The following CSF3R variants were observed in gnomAD, a reference collection of about 807,000 sequenced individuals.
The protein encoded by CSF3R is granulocyte colony-stimulating factor receptor.
A neutral mutation model predicts 84.4 loss-of-function variants in CSF3R; 52 were observed. That is an observed-to-expected ratio of 0.62 (90% CI 0.49 to 0.78). The LOEUF (loss-of-function observed/expected upper bound fraction) is 0.78, where lower values mean the gene tolerates loss of function less well. CSF3R is among the 30% of genes least tolerant of loss of function. The probability of loss-of-function intolerance (pLI) is 0.00; values close to 1 mark genes in which losing one functional copy is unlikely to be tolerated. For synonymous variants in CSF3R, 384 were observed against 429.1 expected, an observed-to-expected ratio of 0.89 and a Z score of 1.30; for missense variants, 890 against 1,055.7, an observed-to-expected ratio of 0.84 and a Z score of 2.17.
In CSF3R at chr1:36,467,397, G is replaced by A; in HGVS notation, c.1959-86C>T. The A allele has an allele frequency of 6.8e-7, 1 of 1,463,152 alleles. No individual in the cohort carries two copies. The highest frequency in any genetic ancestry group is 9.6e-7 in the Non-Finnish European group (1 of 1,043,370). The allele number at this position is 1,463,152 out of a possible 1,614,324, so 90.6% of individuals were successfully genotyped here. A position where few individuals can be genotyped will look rare whatever the true frequency, so the allele number is the denominator to read the frequency against. ...TCCCACCCACCCCACCTGAAGAGGTGCAGCTGCCCTTAGTGCAGAGAGAAG... is the reference window on the plus strand; with the variant it reads ...TCCCACCCACCCCACCTGAAGAGGTACAGCTGCCCTTAGTGCAGAGAGAAG... On this transcript the variant is annotated intron_variant, in intron 15 of 16. Coordinates refer to ENST00000373106, the MANE Select transcript of CSF3R (RefSeq NM_000760.4). The surrounding 1 kb of genome is among the most constrained non-coding windows in gnomAD (Gnocchi z 4.1).
Position 36,469,526 on chromosome 1 carries a change from C to T in CSF3R, c.1474+126G>A, listed in dbSNP as rs574358253. ...TTATGAGGATATGAAATGAGAACAACGAAGGATCAAGAAAGGCTGGAGAAT... is the reference window on the plus strand; with the variant it reads ...TTATGAGGATATGAAATGAGAACAATGAAGGATCAAGAAAGGCTGGAGAAT... On this transcript the variant is annotated intron_variant, in intron 11 of 16. Coordinates refer to ENST00000373106, the MANE Select transcript of CSF3R (RefSeq NM_000760.4). 91 of 1,189,104 alleles carry T rather than the reference C, an allele frequency of 7.7e-5. No homozygotes were observed. The East Asian group carries it at 1.9e-3, about 24-fold the overall frequency. 73.7% of individuals were successfully genotyped at this position (1,189,104 alleles called of 1,614,324 possible). A position where few individuals can be genotyped will look rare whatever the true frequency, so the allele number is the denominator to read the frequency against.
At chr1:36,468,302 CA>C in intron 12 of CSF3R, 81 bp from the exon 13 acceptor site, 1 of 1,435,636 alleles carries the variant, frequency 7.0e-7, no homozygotes, top group Non-Finnish European at 9.4e-7. Context: ...GCTTCCCAGA[CA>C]CTGTGGGGTG....
rs1223533604 is a variant in CSF3R, at chr1:36,466,944, A to T, written c.2041-117T>A. On this transcript the variant is annotated intron_variant, in intron 16 of 16. Transcript: ENST00000373106. The surrounding 1 kb of genome is among the most constrained non-coding windows in gnomAD (Gnocchi z 4.6). ...ATTCAACTGTTGTTACTGGTGGAAC[A>T]CAAAGGGTACCACTTGCAAAGCACT... 6.2e-7 allele frequency: 1 copy of T among 1,610,178 alleles called. No individual in the cohort carries two copies. Among genetic ancestry groups the T allele is most frequent in the Non-Finnish European group, 8.5e-7 (1 of 1,178,616 alleles).
Position 36,473,429 on chromosome 1 carries a change from A to G in CSF3R, c.673+6T>C. The G allele has an allele frequency of 1.2e-6, 2 of 1,612,910 alleles. No individual in the cohort carries two copies. On this transcript the variant is annotated splice_donor_region_variant and intron_variant, in intron 6 of 16. Transcript: ENST00000373106. ...GGGGATCCCCTCCCTCCCCTGCATC[A>G]CCCACCAACATCCATGGGATCAAGA...
Position 36,467,197 on chromosome 1 carries a change from C to T in CSF3R, c.2040+33G>A, listed in dbSNP as rs1375581435. On this transcript the variant is annotated intron_variant, in intron 16 of 16. Coordinates refer to ENST00000373106, the MANE Select transcript of CSF3R (RefSeq NM_000760.4). This position sits in a 1 kb window ranked among gnomAD's most constrained non-coding sequence, Gnocchi z 4.1. ...TTCACTGAGCCTGGGCCGACATCCCCATCTCATTTCCCTCTCCCTCCTGGA... is the reference window on the plus strand; with the variant it reads ...TTCACTGAGCCTGGGCCGACATCCCTATCTCATTTCCCTCTCCCTCCTGGA... 3.7e-6 allele frequency: 6 copies of T among 1,606,198 alleles called. No homozygotes were observed. The highest frequency in any genetic ancestry group is 1.3e-5 in the African/African-American group (1 of 74,754).
chr1:36,472,731 G>C lies in CSF3R; in HGVS notation c.674-45C>G. 1 of 1,509,920 alleles carries C rather than the reference G, an allele frequency of 6.6e-7. No individual in the cohort carries two copies. The highest frequency in any genetic ancestry group is 8.9e-7 in the Non-Finnish European group (1 of 1,126,682). 93.5% of individuals were successfully genotyped at this position (1,509,920 alleles called of 1,614,324 possible). On this transcript the variant is annotated intron_variant, in intron 6 of 16. Transcript: ENST00000373106. This position sits in a 1 kb window ranked among gnomAD's most constrained non-coding sequence, Gnocchi z 5.0. ...CAGAAGGTCTCCCTATCCCACCCTA[G>C]AGGGCTCTGCCTTAGCTCCCTCTTG...
In CSF3R at chr1:36,468,711, G is replaced by T. The variant is rs562410450; in HGVS notation, c.1576+445C>A. On this transcript the variant is annotated intron_variant, in intron 12 of 16. Transcript: ENST00000373106. ...GTGTCACTGCACCCAGCTAATTTTTGGTTTGTTTGTTTGTTTATTTATTTA... is the reference window on the plus strand; with the variant it reads ...GTGTCACTGCACCCAGCTAATTTTTTGTTTGTTTGTTTGTTTATTTATTTA... 1.3e-4 allele frequency: 29 copies of T among 229,028 alleles called. No individual in the cohort carries two copies. In the East Asian group the frequency reaches 3.5e-3, roughly 28 times the overall value. 14.2% of individuals were successfully genotyped at this position (229,028 alleles called of 1,614,324 possible). A position where few individuals can be genotyped will look rare whatever the true frequency, so the allele number is the denominator to read the frequency against.
intron 3 of CSF3R, 197 bp downstream of exon 3, chr1:36,479,236 A>G (rs6701951): frequency 1.5e-6 from 1 of 673,560 alleles, no homozygotes; most frequent in Non-Finnish European, 2.7e-6. Flanking sequence ...GGGTCGTCTC[A>G]CCATTCCTCT....
At chr1:36,474,463 T>C (rs1456142567) in intron 4 of CSF3R, among the ~76,000 whole-genome samples, 1 of 146,336 alleles carries the variant, frequency 6.8e-6, no homozygotes, top group Non-Finnish European at 1.5e-5. Context: ...AGTGGCGTGA[T>C]CTCGGCTCAC....
At chr1:36,471,741 G>T (rs1650754030) in intron 9 of CSF3R, 95 bp from the exon 10 acceptor site, 2 of 1,266,746 alleles carry the variant, frequency 1.6e-6, no homozygotes, top group Non-Finnish European at 2.3e-6. Flanking sequence ...TACAAACGGA[G>T]CCTCCCCAGG....
rs1374999733 is a variant in CSF3R at position 36,467,816 on chromosome 1, C to T, written c.1864+6G>A. Reference sequence around the variant, plus strand: ...CCATCTCTGCCCAGCCCCCGTCTCCCCTTACCTGGGGTCAAGGTCATCAGG... The same window carrying T: ...CCATCTCTGCCCAGCCCCCGTCTCCTCTTACCTGGGGTCAAGGTCATCAGG... On this transcript the variant is annotated splice_donor_region_variant and intron_variant, in intron 14 of 16. Coordinates refer to ENST00000373106, the MANE Select transcript of CSF3R (RefSeq NM_000760.4). The surrounding 1 kb of genome is among the most constrained non-coding windows in gnomAD (Gnocchi z 4.1). 3.1e-6 allele frequency: 5 copies of T among 1,614,152 alleles called. No individual in the cohort carries two copies. Among genetic ancestry groups the T allele is most frequent in the Non-Finnish European group, 3.4e-6 (4 of 1,180,056 alleles).
At chr1:36,474,390 CTTTTTTTTTTTT>C (rs911099378) in intron 4 of CSF3R, among the ~76,000 whole-genome samples, 1 of 86,274 alleles carries the variant, frequency 1.2e-5, no homozygotes, top group East Asian at 3.9e-4. Flanking sequence ...ATTACTGGTG[CTTTTTTTTTTTT>C]TTTTTTTTTT....
At chr1:36,479,378 A>G in intron 3 of CSF3R, 55 bp downstream of exon 3, 25 of 1,535,306 alleles carry the variant, frequency 1.6e-5, no homozygotes, top group Non-Finnish European at 2.2e-5. Flanking sequence ...AATTCCCAAT[A>G]TCTCTCCTTG....
Position 36,467,043 on chromosome 1 carries a change from C to T in CSF3R, c.2040+187G>A. The T allele has an allele frequency of 1.5e-6, 2 of 1,315,892 alleles. No individual in the cohort carries two copies. Among genetic ancestry groups the T allele is most frequent in the Non-Finnish European group, 2.1e-6 (2 of 937,182 alleles). 81.5% of individuals were successfully genotyped at this position (1,315,892 alleles called of 1,614,324 possible). A position where few individuals can be genotyped will look rare whatever the true frequency, so the allele number is the denominator to read the frequency against. ...CAGCATGGTCAGTTTTTCCATATCA[C>T]AGGGAGGTGACTGAGGCTTTGAGAT... On this transcript the variant is annotated intron_variant, in intron 16 of 16. Transcript: ENST00000373106. This position sits in a 1 kb window ranked among gnomAD's most constrained non-coding sequence, Gnocchi z 4.1.
At position 36,472,539 on chromosome 1, in the gene CSF3R, C is replaced by A. The variant is rs559297734; in HGVS notation, c.821G>T (p.Arg274Leu). 4.3e-6 allele frequency: 7 copies of A among 1,614,198 alleles called. No individual in the cohort carries two copies. The East Asian group carries it at 1.6e-4, about 36-fold the overall frequency. ...CACCAGTGCCCAGCTGGCTTCTCCACGCTGCGGCTTGTGGCGCAGCTCACA... is the reference window on the plus strand; with the variant it reads ...CACCAGTGCCCAGCTGGCTTCTCCAAGCTGCGGCTTGTGGCGCAGCTCACA... ...QKCELRHKPQ[R>L]GEASWALVGP... Residue 274 changes from arginine (R) to leucine (L), a missense_variant, in exon 7 of 17, where the codon CGT (arginine) becomes CTT (leucine). By Grantham distance (102) the Arg-to-Leu change is moderately radical. Coordinates refer to ENST00000373106, the MANE Select transcript of CSF3R (RefSeq NM_000760.4). This position sits in a 1 kb window ranked among gnomAD's most constrained non-coding sequence, Gnocchi z 5.0.
rs1651285578 is a variant in CSF3R, at chr1:36,478,215, CA to C, written c.64+1217del. ...ACATTTTAAAAGAGTTAAAAACAAG[CA>C]AAGCAAAAACCAAATAAAAACATGC... On this transcript the variant is annotated intron_variant, in intron 3 of 16. Coordinates refer to ENST00000373106, the MANE Select transcript of CSF3R (RefSeq NM_000760.4). 2.0e-5 allele frequency among the ~76,000 whole-genome samples: 3 copies of C among 151,898 alleles called. 1 individual carries two copies. In the South Asian group the frequency reaches 6.2e-4, roughly 32 times the overall value.
intron 10 of CSF3R, among the ~76,000 whole-genome samples, chr1:36,470,056 G>A (rs1650609991): frequency 6.6e-6 from 1 of 152,202 alleles, no homozygotes; most frequent in Non-Finnish European, 1.5e-5. Flanking sequence ...CTTGATGCAC[G>A]AAACAAGCCT....
At position 36,476,774 on chromosome 1, in the gene CSF3R, C is replaced by T. The variant is rs1205799427; in HGVS notation, c.65-1101G>A. ...CTCCTAGGCTCAAGTGATCTTCCCA[C>T]CTCAGCCTCCTGAGTAGCTGGGACT... On this transcript the variant is annotated intron_variant, in intron 3 of 16. Transcript: ENST00000373106. Among the ~76,000 whole-genome samples, 5 of 152,206 alleles carry T rather than the reference C, an allele frequency of 3.3e-5. No individual in the cohort carries two copies. In the East Asian group the frequency reaches 9.6e-4, roughly 29 times the overall value.
In CSF3R at chr1:36,472,495, T is replaced by C. The variant is rs1650832335; in HGVS notation, c.843+22A>G. The C allele has an allele frequency of 1.2e-6, 2 of 1,613,998 alleles. No homozygotes were observed. Among genetic ancestry groups the C allele is most frequent in the Non-Finnish European group, 8.5e-7 (1 of 1,180,000 alleles). ...CCCCTGCCCCCACCACCTCAGGCTC[T>C]CCAGGTTGCCCTCTGCCTCACCAGT... is the stretch of plus-strand genomic sequence containing the variant. On this transcript the variant is annotated intron_variant, in intron 7 of 16. Transcript: ENST00000373106. The surrounding 1 kb of genome is among the most constrained non-coding windows in gnomAD (Gnocchi z 5.0).
Sources: gnomAD v4.1 joint callset for allele counts (sites outside exome capture counted in the v4.1 genomes callset) on GRCh38, gnomAD v4.1.1 for gene constraint, Gnocchi (gnomAD v3.1) non-coding constraint, MANE v1.5 for transcripts, NCBI Gene and HGNC (gene_info 2026-07-23, HGNC 2026-07-21) for gene names.